Variants in DDX31 observed in about 807,000 individuals in gnomAD.
DDX31 encodes ATP-dependent DNA helicase DDX31.
Under a neutral mutation model 91.3 loss-of-function variants are expected in DDX31, and 70 were observed. That is an observed-to-expected ratio of 0.77 (90% CI 0.63 to 0.94). The LOEUF (loss-of-function observed/expected upper bound fraction) is 0.94, where lower values mean the gene tolerates loss of function less well. Among genes scored for constraint, DDX31 ranks in the 40% least tolerant of loss-of-function variants. The probability of loss-of-function intolerance (pLI) is 0.00; values close to 1 mark genes in which losing one functional copy is unlikely to be tolerated. For missense variants in DDX31, 902 were observed against 925.0 expected, an observed-to-expected ratio of 0.98 and a Z score of 0.32; for synonymous variants, 362 against 350.6, an observed-to-expected ratio of 1.03 and a Z score of -0.36.
Position 132,593,094 on chromosome 9 carries a change from A to G in DDX31, c.*1772T>C, listed in dbSNP as rs1220388009. 1 of 152,244 alleles carries G rather than the reference A, an allele frequency of 6.6e-6. No individual in the cohort carries two copies. Among genetic ancestry groups the G allele is most frequent in the Non-Finnish European group, 1.5e-5 (1 of 68,046 alleles). 9.4% of individuals were successfully genotyped at this position (152,244 alleles called of 1,614,324 possible). ...GTTTCTTTATTAACTGGGGTAATAT[A>G]GTGATTCTACTTAGAAACAGACCCA... is the stretch of plus-strand genomic sequence containing the variant. On this transcript the variant is annotated 3_prime_UTR_variant, in exon 20 of 20. Transcript: ENST00000372159.
chr9:132,619,661 G>A (rs1003722881), intron 17 of DDX31, among the ~76,000 whole-genome samples: 4 of 152,164 alleles, frequency 2.6e-5, no homozygotes, highest in African/African-American at 9.7e-5. Flanking sequence ...CAGTCTCGCT[G>A]ATTTCACAGT....
chr9:132,604,923 C>T (rs1447959803), intron 19 of DDX31, among the ~76,000 whole-genome samples: 1 of 152,160 alleles, frequency 6.6e-6, no homozygotes, highest in African/African-American at 2.4e-5. Flanking sequence ...AGGCCTCCTT[C>T]ACCAGGGAAC....
Position 132,594,588 on chromosome 9 carries a change from C to G in DDX31, c.*278G>C. 1 of 347,230 alleles carries G rather than the reference C, an allele frequency of 2.9e-6. No individual in the cohort carries two copies. The highest frequency in any genetic ancestry group is 4.8e-5 in the South Asian group (1 of 20,746). The allele number at this position is 347,230 out of a possible 1,614,324, so 21.5% of individuals were successfully genotyped here. ...CCAGCTCAACCCCGGCACGTCAGCA[C>G]CTGGGTGAAGGGAGTGCCGGGCACT... is the stretch of plus-strand genomic sequence containing the variant. On this transcript the variant is annotated 3_prime_UTR_variant, in exon 20 of 20. Coordinates refer to ENST00000372159, the MANE Select transcript of DDX31 (RefSeq NM_022779.9).
intron 14 of DDX31, among the ~76,000 whole-genome samples, chr9:132,640,740 T>C (rs1298164656): frequency 6.6e-6 from 1 of 152,156 alleles, no homozygotes; most frequent in African/African-American, 2.4e-5. Flanking sequence ...ACTCCTGGGC[T>C]CAAGCGATCC....
chr9:132,660,413 C>G (rs888082455), intron 4 of DDX31, among the ~76,000 whole-genome samples: 1 of 151,672 alleles, frequency 6.6e-6, no homozygotes, highest in African/African-American at 2.4e-5. Flanking sequence ...CACACTCTTG[C>G]CCTCACTAAC....
chr9:132,614,648 C>T (rs899326918), intron 18 of DDX31, among the ~76,000 whole-genome samples: 3 of 152,158 alleles, frequency 2.0e-5, no homozygotes, highest in Admixed American at 1.3e-4. Flanking sequence ...GGGCTTCCAC[C>T]CTGGTCACCT....
chr9:132,642,279 G>A (rs1462901854), intron 13 of DDX31, among the ~76,000 whole-genome samples: 1 of 152,090 alleles, frequency 6.6e-6, no homozygotes, highest in East Asian at 1.9e-4. Flanking sequence ...AGTAGCAGGC[G>A]CTTTGAGGGT....
chr9:132,593,946 CT>C lies in DDX31; in HGVS notation c.*919del, dbSNP rs1426254158. 7 of 147,894 alleles carry C rather than the reference CT, an allele frequency of 4.7e-5. No individual in the cohort carries two copies. The Admixed American group carries it at 5.0e-4, about 11-fold the overall frequency. 9.2% of individuals were successfully genotyped at this position (147,894 alleles called of 1,614,324 possible). A position where few individuals can be genotyped will look rare whatever the true frequency, so the allele number is the denominator to read the frequency against. On this transcript the variant is annotated 3_prime_UTR_variant, in exon 20 of 20. Coordinates refer to ENST00000372159, the MANE Select transcript of DDX31 (RefSeq NM_022779.9). ...TGGACCCCTCTGCAAGTGCCCAAAT[CT>C]TACATTTATTGGGAAATCAATATGC...
At chr9:132,651,006 A>G (rs373273594) in intron 8 of DDX31, 69 bp downstream of exon 8, 38 of 1,330,656 alleles carry the variant, frequency 2.9e-5, no homozygotes, top group Non-Finnish European at 6.4e-6. Flanking sequence ...TAAAGAATAG[A>G]CTGTAGTATA....
chr9:132,652,220 A>G (rs1038762753), intron 7 of DDX31, among the ~76,000 whole-genome samples: 1 of 152,152 alleles, frequency 6.6e-6, no homozygotes, highest in Non-Finnish European at 1.5e-5. Flanking sequence ...ATTTAATAGT[A>G]TCATTAGTTT....
intron 6 of DDX31, among the ~76,000 whole-genome samples, chr9:132,653,234 C>T (rs186767196): frequency 1.0e-3 from 157 of 152,026 alleles, no homozygotes; most frequent in African/African-American, 3.6e-3. Context: ...TGGCTCACGC[C>T]TGTAATCCCA....
chr9:132,646,938 G>T lies in DDX31; in HGVS notation c.1088C>A (p.Ala363Asp). The change falls in exon 12 of 20, where the codon GCT becomes GAT. Residue 363 changes from alanine (A) to aspartate (D), a missense_variant. Ala to Asp is a moderately radical substitution (Grantham distance 126). Coordinates refer to ENST00000372159, the MANE Select transcript of DDX31 (RefSeq NM_022779.9). ...KAVQEVCPPP[A>D]GDKLDSFAIP... is the part of the protein sequence containing the mutation. ...TGCAAAGCTGTCCAGCTTGTCGCCA[G>T]CTGGTGGAGGACAGACCTCCTGGAC... The T allele has an allele frequency of 6.2e-7, 1 of 1,614,224 alleles. No individual in the cohort carries two copies. Among genetic ancestry groups the T allele is most frequent in the Admixed American group, 1.7e-5 (1 of 60,028 alleles).
chr9:132,625,227 A>G (rs1003998194), intron 17 of DDX31, among the ~76,000 whole-genome samples: 3 of 152,206 alleles, frequency 2.0e-5, no homozygotes, highest in Non-Finnish European at 2.9e-5. Context: ...GATAGCACAC[A>G]CACATTAAAA....
At chr9:132,661,651 C>G (rs1188844985) in intron 3 of DDX31, among the ~76,000 whole-genome samples, 1 of 152,132 alleles carries the variant, frequency 6.6e-6, no homozygotes, top group East Asian at 1.9e-4. Flanking sequence ...GTAACCCACC[C>G]TACAGAAGGG....
At chr9:132,610,573 G>T (rs949516905) in intron 19 of DDX31, among the ~76,000 whole-genome samples, 1 of 151,994 alleles carries the variant, frequency 6.6e-6, no homozygotes, top group Non-Finnish European at 1.5e-5. Context: ...TTTTTAGCTT[G>T]TAAGAACCTT....
intron 15 of DDX31, among the ~76,000 whole-genome samples, chr9:132,631,619 G>C (rs934534821): frequency 6.6e-6 from 1 of 152,254 alleles, no homozygotes; most frequent in African/African-American, 2.4e-5. Flanking sequence ...TCTAAGGCTA[G>C]AGGTATGTGT....
intron 19 of DDX31, among the ~76,000 whole-genome samples, chr9:132,603,841 C>T (rs1373109636): frequency 6.6e-6 from 1 of 152,108 alleles, no homozygotes; most frequent in African/African-American, 2.4e-5. Flanking sequence ...TGCAGGTGAC[C>T]CAGGTGTGGA....
At chr9:132,635,409 C>A (rs936643001) in intron 14 of DDX31, among the ~76,000 whole-genome samples, 1 of 151,880 alleles carries the variant, frequency 6.6e-6, no homozygotes, top group African/African-American at 2.4e-5. Flanking sequence ...AAACAGCCCA[C>A]CCCCAACCTA....
intron 17 of DDX31, among the ~76,000 whole-genome samples, chr9:132,619,127 T>C (rs1831831818): frequency 1.3e-5 from 2 of 152,354 alleles, no homozygotes; most frequent in African/African-American, 4.8e-5. Flanking sequence ...GCAAAGAGCC[T>C]ACAGATGGAA....
Sources: gnomAD v4.1 joint callset for allele counts (sites outside exome capture counted in the v4.1 genomes callset) on GRCh38, gnomAD v4.1.1 for gene constraint, MANE v1.5 for transcripts, NCBI Gene and HGNC (gene_info 2026-07-23, HGNC 2026-07-21) for gene names.